IL3RA: variants seen among roughly 807,000 people sequenced by gnomAD.
IL3RA encodes interleukin 3 receptor subunit alpha.
IL3RA carries 73 observed loss-of-function variants against 52.3 expected under a neutral mutation model. That is an observed-to-expected ratio of 1.40 (90% CI 1.16 to 1.70). The LOEUF (loss-of-function observed/expected upper bound fraction) is 1.70, where lower values mean the gene tolerates loss of function less well. IL3RA is among the 40% of genes most tolerant of loss of function. The pLI is 0.00. For synonymous variants in IL3RA, 260 were observed against 194.0 expected (o/e 1.34, Z -2.83); for missense variants, 664 against 504.4 (o/e 1.32, Z -3.03).
chrX:1,377,164 A>T (rs1232910153), intron 9 of IL3RA, among the ~76,000 whole-genome samples: 2 of 152,136 alleles, frequency 1.3e-5, no homozygotes, highest in East Asian at 1.9e-4. Flanking sequence ...AGCCCTGCCC[A>T]TGCCCATCTC....
chrX:1,362,430 CTG>C (rs2087513329), intron 8 of IL3RA, among the ~76,000 whole-genome samples: 4 of 151,716 alleles, frequency 2.6e-5, no homozygotes, highest in Admixed American at 6.6e-5. Flanking sequence ...TCTCCCTTCT[CTG>C]TGTCTCTTTG....
At position 1,345,397 on chromosome X, in the gene IL3RA, A is replaced by G. The variant is rs753774133; in HGVS notation, c.146A>G (p.Asp49Gly). 4.3e-6 allele frequency: 7 copies of G among 1,609,778 alleles called. No individual in the cohort carries two copies. The South Asian group carries it at 7.7e-5, about 18-fold the overall frequency. The change falls in exon 3 of 12, where the codon GAT becomes GGT. Residue 49 changes from aspartate to glycine, a missense_variant. Coordinates refer to ENST00000331035, the MANE Select transcript of IL3RA (RefSeq NM_002183.4). Reference protein sequence around the residue: ...LTWDLNRNVTDIECVKDADYS... With the variant: ...LTWDLNRNVTGIECVKDADYS... ...TGGGACCTTAACAGAAATGTGACCG[A>G]TATCGAGTGTGTTAAAGACGCCGAC... is the stretch of plus-strand genomic sequence containing the variant.
intron 7 of IL3RA, among the ~76,000 whole-genome samples, chrX:1,357,813 A>C (rs2086852018): frequency 6.6e-6 from 1 of 150,578 alleles, no homozygotes. Flanking sequence ...TTTTTTAAGA[A>C]AATAAATGGC....
intron 4 of IL3RA, among the ~76,000 whole-genome samples, chrX:1,351,819 T>G (rs1394744703): frequency 2.3e-5 from 3 of 129,580 alleles, no homozygotes; most frequent in Admixed American, 7.8e-5. Flanking sequence ...TAGTAGAGAC[T>G]GGGTTTCACC....
At chrX:1,361,656 A>G (rs113841596) in intron 8 of IL3RA, among the ~76,000 whole-genome samples, 3,362 of 151,284 alleles carry the variant, frequency 0.022, 147 homozygotes, top group East Asian at 0.16. Context: ...GGGAGGCTGA[A>G]GCAGGAGAAT....
chrX:1,379,584 G>T (rs577377303), intron 10 of IL3RA, among the ~76,000 whole-genome samples: 1 of 152,266 alleles, frequency 6.6e-6, no homozygotes, highest in African/African-American at 2.4e-5. Flanking sequence ...GGAGGAAGCA[G>T]GGCCGGTCCT....
chrX:1,382,311 G>T, intron 11 of IL3RA, 80 bp from the exon 12 acceptor site: 3 of 1,206,244 alleles, frequency 2.5e-6, no homozygotes, highest in Non-Finnish European at 3.7e-6. Flanking sequence ...TCTGAGATGG[G>T]ACAGGCCCCC....
At chrX:1,350,471 C>G (rs1236683174) in intron 4 of IL3RA, among the ~76,000 whole-genome samples, 2 of 150,976 alleles carry the variant, frequency 1.3e-5, no homozygotes, top group Non-Finnish European at 2.9e-5. Flanking sequence ...TGCCTGTAGT[C>G]CCAGCTACTC....
At position 1,382,491 on chromosome X, in the gene IL3RA, T is replaced by G. The variant is rs1427369568; in HGVS notation, c.*26T>G. On this transcript the variant is annotated 3_prime_UTR_variant, in exon 12 of 12. Transcript: ENST00000331035. The stretch of plus-strand genomic sequence containing the variant: ...GACTGGGGTTCAGGGCTTGTGGGGG[T>G]CTGCCTCAATCTCCCTGGCCGGGCC... 1 of 1,604,896 alleles carries G rather than the reference T, an allele frequency of 6.2e-7. No individual in the cohort carries two copies. The highest frequency in any genetic ancestry group is 8.5e-7 in the Non-Finnish European group (1 of 1,172,750).
chrX:1,366,458 CGCGGGGTGA>C (rs1302038147), intron 9 of IL3RA, among the ~76,000 whole-genome samples: 2 of 35,446 alleles, frequency 5.6e-5, no homozygotes, highest in Non-Finnish European at 9.5e-5. Context: ...GAGCCGGGTG[CGCGGGGTGA>C]GCGGGGTGAG....
intron 9 of IL3RA, among the ~76,000 whole-genome samples, chrX:1,377,888 A>G (rs1372513532): frequency 1.3e-5 from 2 of 150,104 alleles, no homozygotes; most frequent in South Asian, 4.2e-4. Flanking sequence ...AAAAAAAAAG[A>G]AAAAAGAAAA....
At chrX:1,348,790 T>C (rs1386226609) in intron 4 of IL3RA, among the ~76,000 whole-genome samples, 2 of 137,804 alleles carry the variant, frequency 1.5e-5, no homozygotes, top group African/African-American at 2.6e-5. Flanking sequence ...CTCCCTCCCT[T>C]CTTTCTTTTC....
intron 8 of IL3RA, among the ~76,000 whole-genome samples, chrX:1,363,105 C>A (rs1394865821): frequency 2.7e-5 from 4 of 150,414 alleles, no homozygotes; most frequent in Admixed American, 2.7e-4. Context: ...GGATATTGGT[C>A]ATTGCATTTA....
chrX:1,368,411 C>T (rs1246928715), intron 9 of IL3RA, among the ~76,000 whole-genome samples: 1 of 151,922 alleles, frequency 6.6e-6, no homozygotes, highest in Non-Finnish European at 1.5e-5. Context: ...ATGGAAAAAC[C>T]CTGTCTCTAC....
chrX:1,347,899 T>C (rs745554296), intron 3 of IL3RA, among the ~76,000 whole-genome samples: 2 of 150,452 alleles, frequency 1.3e-5, no homozygotes, highest in Admixed American at 6.6e-5. Flanking sequence ...TAGCCGGGCG[T>C]GGTGGCGGGC....
chrX:1,344,262 C>G (rs1331766665), intron 2 of IL3RA, among the ~76,000 whole-genome samples: 1 of 151,752 alleles, frequency 6.6e-6, no homozygotes, highest in African/African-American at 2.4e-5. Context: ...GGTGAAACCC[C>G]ATCTCTAGTA....
At chrX:1,356,188 C>T (rs1227615257) in intron 6 of IL3RA, 33 bp from the exon 7 acceptor site, 2 of 1,054,036 alleles carry the variant, frequency 1.9e-6, no homozygotes, top group Non-Finnish European at 2.7e-6. Flanking sequence ...TTCTTGTACT[C>T]CTAAATCCTA....
chrX:1,348,482 A>T lies in IL3RA; in HGVS notation c.235A>T (p.Thr79Ser), dbSNP rs773007894. Residue 79 changes from threonine to serine, a missense_variant, in exon 4 of 12, where the codon ACC becomes TCC. By Grantham distance (58) the Thr-to-Ser change is moderately conservative. Transcript: ENST00000331035. Reference protein sequence around the residue: ...QFGAISLCEVTNYTVRVANPP... With the variant: ...QFGAISLCEVSNYTVRVANPP... ...TGGAGCAATTTCCTTATGTGAAGTG[A>T]CCAACTACACCGTCCGAGTGGCCAA... 6.2e-7 allele frequency: 1 copy of T among 1,613,918 alleles called. No homozygotes were observed. Among genetic ancestry groups the T allele is most frequent in the Non-Finnish European group, 8.5e-7 (1 of 1,179,840 alleles).
intron 8 of IL3RA, among the ~76,000 whole-genome samples, chrX:1,362,450 GTC>G (rs774782223): frequency 2.7e-4 from 38 of 139,054 alleles, no homozygotes; most frequent in Middle Eastern, 4.6e-3. Context: ...TTGTATCTCT[GTC>G]TCTCTCTGTT....
Sources: gnomAD v4.1 joint callset for allele counts (sites outside exome capture counted in the v4.1 genomes callset) on GRCh38, gnomAD v4.1.1 for gene constraint, MANE v1.5 for transcripts, NCBI Gene and HGNC (gene_info 2026-07-23, HGNC 2026-07-21) for gene names.